ROCK1: variants seen among roughly 807,000 people sequenced by gnomAD.
ROCK1 encodes the protein rho-associated protein kinase 1.
In ROCK1, 36 loss-of-function variants were observed where a neutral mutation model predicts 196.8. That is an observed-to-expected ratio of 0.18 (90% CI 0.14 to 0.24). The LOEUF is 0.24. ROCK1 is among the 10% of genes least tolerant of loss of function. ROCK1 has a pLI of 1.00. For missense variants in ROCK1, 920 were observed against 1,562.0 expected (o/e 0.59, Z 6.93); for synonymous variants, 443 against 515.9 (o/e 0.86, Z 1.91).
intron 1 of ROCK1, among the ~76,000 whole-genome samples, chr18:21,089,206 C>A (rs1175385937): frequency 6.6e-6 from 1 of 152,028 alleles, no homozygotes; most frequent in Non-Finnish European, 1.5e-5. Flanking sequence ...TACAGGGGCA[C>A]GCCACCACAT....
chr18:21,074,266 A>C (rs1228548138), intron 1 of ROCK1, among the ~76,000 whole-genome samples: 1 of 152,230 alleles, frequency 6.6e-6, no homozygotes, highest in Non-Finnish European at 1.5e-5. Flanking sequence ...GAATTTTAAC[A>C]ACCTGATATT....
intron 18 of ROCK1, among the ~76,000 whole-genome samples, chr18:20,989,074 C>T (rs1200944613): frequency 2.0e-5 from 3 of 152,036 alleles, no homozygotes; most frequent in Non-Finnish European, 4.4e-5. Context: ...ACCCTGCAAA[C>T]AATGAAAAGC....
At chr18:21,029,034 A>T in intron 9 of ROCK1, 99 bp from the exon 10 acceptor site, 1 of 1,172,210 alleles carries the variant, frequency 8.5e-7, no homozygotes, top group Admixed American at 2.5e-5. Context: ...CTCTTATAAA[A>T]CCTTGCAAAC....
At chr18:21,061,290 G>A (rs542669123) in intron 2 of ROCK1, among the ~76,000 whole-genome samples, 1 of 152,148 alleles carries the variant, frequency 6.6e-6, no homozygotes, top group East Asian at 1.9e-4. Context: ...ATGTTGGCCA[G>A]GCTGGTCTTG....
At chr18:21,089,002 T>TA (rs988266341) in intron 1 of ROCK1, among the ~76,000 whole-genome samples, 40 of 152,032 alleles carry the variant, frequency 2.6e-4, no homozygotes, top group East Asian at 1.5e-3. Context: ...GACAGGAATT[T>TA]AAAAAAAATT....
At chr18:21,099,854 G>A (rs754713053) in intron 1 of ROCK1, among the ~76,000 whole-genome samples, 22 of 152,084 alleles carry the variant, frequency 1.4e-4, no homozygotes, top group Admixed American at 8.5e-4. Flanking sequence ...TGGCCAACAT[G>A]GCAAAACCCT....
intron 8 of ROCK1, 147 bp downstream of exon 8, chr18:21,041,950 T>C (rs1280266118): frequency 1.4e-6 from 1 of 695,132 alleles, no homozygotes; most frequent in Non-Finnish European, 2.3e-6. Context: ...ACAAAAGACA[T>C]CTAGAATATC....
At chr18:21,079,294 A>G (rs1364715777) in intron 1 of ROCK1, among the ~76,000 whole-genome samples, 1 of 151,780 alleles carries the variant, frequency 6.6e-6, no homozygotes, top group Non-Finnish European at 1.5e-5. Flanking sequence ...TGCTGTATGG[A>G]GGCATGTTGC....
At chr18:21,033,116 G>T (rs748322473) in intron 9 of ROCK1, among the ~76,000 whole-genome samples, 1 of 151,978 alleles carries the variant, frequency 6.6e-6, no homozygotes, top group Non-Finnish European at 1.5e-5. Flanking sequence ...AGGATCCCTT[G>T]GGTCTGAGAG....
intron 13 of ROCK1, among the ~76,000 whole-genome samples, chr18:21,011,350 G>A (rs1025775854): frequency 5.3e-5 from 8 of 152,112 alleles, no homozygotes; most frequent in Admixed American, 2.6e-4. Flanking sequence ...GGCTGCCCTA[G>A]ATATTACATT....
intron 21 of ROCK1, among the ~76,000 whole-genome samples, chr18:20,982,392 C>T (rs2035541128): frequency 1.3e-5 from 2 of 152,132 alleles, no homozygotes; most frequent in African/African-American, 2.4e-5. Flanking sequence ...GCTGCGACTA[C>T]AGGTGCCTGC....
At chr18:21,013,138 TA>T (rs1598527770) in intron 13 of ROCK1, among the ~76,000 whole-genome samples, 1 of 152,364 alleles carries the variant, frequency 6.6e-6, no homozygotes, top group East Asian at 1.9e-4. Context: ...TAATTCCAGT[TA>T]AAATTTTCCT....
chr18:21,060,156 C>T (rs2036276567), intron 2 of ROCK1, among the ~76,000 whole-genome samples: 1 of 152,140 alleles, frequency 6.6e-6, no homozygotes, highest in Non-Finnish European at 1.5e-5. Context: ...ACCCAAAAAG[C>T]TCACTGAATT....
rs1295443887 is a variant in ROCK1, at chr18:20,950,852, C to CA, written c.*531dup. ...AGGCTTTTAAATTCTACAGTGAGGG[C>CA]ACTGAAGTTCAAGTGATATCACTGC... On this transcript the variant is annotated 3_prime_UTR_variant, in exon 33 of 33. Transcript: ENST00000399799. The CA allele has an allele frequency of 6.6e-6, 1 of 152,492 alleles. No individual in the cohort carries two copies. The highest frequency in any genetic ancestry group is 1.5e-5 in the Non-Finnish European group (1 of 68,030). The allele number at this position is 152,492 out of a possible 1,614,324, so 9.4% of individuals were successfully genotyped here.
intron 2 of ROCK1, among the ~76,000 whole-genome samples, chr18:21,055,518 G>T (rs1338141260): frequency 2.6e-5 from 4 of 152,168 alleles, no homozygotes; most frequent in South Asian, 2.1e-4. Context: ...CATATATTTT[G>T]TCTTTTCATA....
At chr18:21,086,506 T>G (rs1401859094) in intron 1 of ROCK1, among the ~76,000 whole-genome samples, 1 of 151,980 alleles carries the variant, frequency 6.6e-6, no homozygotes, top group Non-Finnish European at 1.5e-5. Context: ...GAAAAGAAAA[T>G]GAAGAGAATC....
intron 9 of ROCK1, among the ~76,000 whole-genome samples, chr18:21,034,783 A>C (rs1175934328): frequency 6.6e-6 from 1 of 152,236 alleles, no homozygotes; most frequent in Non-Finnish European, 1.5e-5. Context: ...AAAAGAAGAA[A>C]TAAACCAGAT....
intron 9 of ROCK1, among the ~76,000 whole-genome samples, chr18:21,036,760 G>A (rs1021029262): frequency 6.6e-6 from 1 of 152,016 alleles, no homozygotes; most frequent in African/African-American, 2.4e-5. Context: ...CTGTACAATA[G>A]AGCCACCTGG....
chr18:21,046,861 T>G (rs919822594), intron 4 of ROCK1, among the ~76,000 whole-genome samples: 6 of 152,122 alleles, frequency 3.9e-5, no homozygotes, highest in African/African-American at 1.4e-4. Flanking sequence ...TGATTTTTTG[T>G]TTTTTTGTAG....
Sources: allele counts gnomAD v4.1 joint callset (sites outside exome capture counted in the v4.1 genomes callset), GRCh38; gene constraint gnomAD v4.1.1; transcripts MANE v1.5; gene names NCBI Gene and HGNC (gene_info 2026-07-23, HGNC 2026-07-21).